The following CAMKMT variants were observed in gnomAD, a reference collection of about 807,000 sequenced individuals.
CAMKMT encodes CaM KMT.
A neutral mutation model predicts 48.0 loss-of-function variants in CAMKMT; 53 were observed. The observed-to-expected ratio is 1.10, with a 90% confidence interval of 0.89 to 1.39. The LOEUF (loss-of-function observed/expected upper bound fraction) is 1.39. Ranked by LOEUF, CAMKMT falls within the 40% of genes most tolerant of loss-of-function variation. The pLI is 0.00. For synonymous variants in CAMKMT, 165 were observed against 152.3 expected, an observed-to-expected ratio of 1.08 and a Z score of -0.61; for missense variants, 428 against 402.7, an observed-to-expected ratio of 1.06 and a Z score of -0.54.
chr2:44,433,418 T>C (rs1684765624), intron 3 of CAMKMT, among the ~76,000 whole-genome samples: 1 of 152,104 alleles, frequency 6.6e-6, no homozygotes, highest in African/African-American at 2.4e-5. Context: ...CAAATCCAAG[T>C]TGTCAATGAT....
At chr2:44,659,640 C>T (rs996746166) in intron 3 of CAMKMT, among the ~76,000 whole-genome samples, 1 of 151,736 alleles carries the variant, frequency 6.6e-6, no homozygotes, top group Non-Finnish European at 1.5e-5. Context: ...GTTCCATTCT[C>T]TTTATGGTAC....
At chr2:44,709,806 G>T (rs1677774729) in intron 6 of CAMKMT, among the ~76,000 whole-genome samples, 2 of 152,092 alleles carry the variant, frequency 1.3e-5, no homozygotes, top group South Asian at 4.2e-4. Context: ...TTTCTAAGAA[G>T]TAAAAGTGGA....
At chr2:44,458,738 A>T (rs997148010) in intron 3 of CAMKMT, among the ~76,000 whole-genome samples, 5 of 152,144 alleles carry the variant, frequency 3.3e-5, no homozygotes, top group Admixed American at 6.5e-5. Flanking sequence ...CTCTAGGGAG[A>T]TGAGAGAAAT....
intron 3 of CAMKMT, chr2:44,631,563 C>A: frequency 1.7e-6 from 1 of 574,958 alleles, no homozygotes; most frequent in Non-Finnish European, 3.1e-6. Context: ...CTCAGCCTCC[C>A]AAAGTGTGAT....
chr2:44,398,991 G>C (rs572970060), intron 3 of CAMKMT, among the ~76,000 whole-genome samples: 73 of 152,234 alleles, frequency 4.8e-4, no homozygotes, highest in Non-Finnish European at 8.2e-4. Flanking sequence ...TGGGAGGTGG[G>C]AACAGTTTGC....
In CAMKMT at chr2:44,582,977, A is replaced by G. The variant is rs150295786; in HGVS notation, c.377-121306A>G. ...TACATACTATCAGCATAGTATTTCAACAAAAATGATGATCTTTTTTGGAAA... is the reference window on the plus strand; with the variant it reads ...TACATACTATCAGCATAGTATTTCAGCAAAAATGATGATCTTTTTTGGAAA... On this transcript the variant is annotated intron_variant, in intron 3 of 10. Coordinates refer to ENST00000378494, the MANE Select transcript of CAMKMT (RefSeq NM_024766.5). Among the ~76,000 whole-genome samples the G allele has an allele frequency of 7.1e-4, 108 of 152,316 alleles. No homozygotes were observed. In the East Asian group the frequency reaches 0.02, roughly 28 times the overall value.
chr2:44,407,885 A>C (rs1033514651), intron 3 of CAMKMT, among the ~76,000 whole-genome samples: 1 of 152,116 alleles, frequency 6.6e-6, no homozygotes, highest in Non-Finnish European at 1.5e-5. Flanking sequence ...CACTTTACTA[A>C]AAGTTGGGGC....
Position 44,398,302 on chromosome 2 carries a change from G to C in CAMKMT, c.376+7997G>C, listed in dbSNP as rs77416118. Among the ~76,000 whole-genome samples, 1,432 of 152,246 alleles carry C rather than the reference G, an allele frequency of 9.4e-3. 27 individuals are homozygous for C. Among genetic ancestry groups the C allele is most frequent in the African/African-American group, 0.033 (1,372 of 41,540 alleles). ...AATGAATTTTAAAAGTTTGTGATGG[G>C]AATTGAAACAGAAAGTGGTAACTTG... On this transcript the variant is annotated intron_variant, in intron 3 of 10. Transcript: ENST00000378494.
At chr2:44,706,430 G>A (rs1161915505) in intron 5 of CAMKMT, 89 bp downstream of exon 5, 5 of 1,274,854 alleles carry the variant, frequency 3.9e-6, no homozygotes, top group East Asian at 4.7e-5. Flanking sequence ...TCAGAGAACC[G>A]TCAACAGCAT....
At chr2:44,542,836 G>C (rs1667204577) in intron 3 of CAMKMT, among the ~76,000 whole-genome samples, 1 of 152,074 alleles carries the variant, frequency 6.6e-6, no homozygotes, top group African/African-American at 2.4e-5. Context: ...GGCTTCATCT[G>C]GTGAGCTGTG....
chr2:44,583,788 C>A (rs1669700861), intron 3 of CAMKMT, among the ~76,000 whole-genome samples: 1 of 151,462 alleles, frequency 6.6e-6, no homozygotes, highest in Admixed American at 6.6e-5. Flanking sequence ...AGATCAAGAC[C>A]CTGTCTCTGA....
chr2:44,756,615 G>A (rs868305685), intron 9 of CAMKMT, among the ~76,000 whole-genome samples: 7 of 151,928 alleles, frequency 4.6e-5, no homozygotes, highest in East Asian at 3.9e-4. Flanking sequence ...GGTGGCGGGC[G>A]CCTGTAGTCC....
chr2:44,587,069 G>A (rs984583105), intron 3 of CAMKMT, among the ~76,000 whole-genome samples: 7 of 152,108 alleles, frequency 4.6e-5, no homozygotes, highest in African/African-American at 1.7e-4. Flanking sequence ...TGTCATCTAT[G>A]TATCTTCTTT....
chr2:44,417,657 A>G (rs1329510264), intron 3 of CAMKMT, among the ~76,000 whole-genome samples: 1 of 152,148 alleles, frequency 6.6e-6, no homozygotes, highest in Non-Finnish European at 1.5e-5. Context: ...TGGTTGTACT[A>G]TTTTACATTG....
chr2:44,559,821 G>C (rs996147451), intron 3 of CAMKMT, among the ~76,000 whole-genome samples: 1 of 152,164 alleles, frequency 6.6e-6, no homozygotes, highest in Non-Finnish European at 1.5e-5. Context: ...TGAACTGCTA[G>C]CAAACTAGGT....
intron 3 of CAMKMT, among the ~76,000 whole-genome samples, chr2:44,571,894 C>T (rs1320959222): frequency 1.3e-5 from 2 of 152,176 alleles, no homozygotes; most frequent in Non-Finnish European, 2.9e-5. Flanking sequence ...ATGATATTAA[C>T]ATATGAAATA....
At chr2:44,444,983 A>G (rs1666893277) in intron 3 of CAMKMT, among the ~76,000 whole-genome samples, 1 of 152,192 alleles carries the variant, frequency 6.6e-6, no homozygotes, top group African/African-American at 2.4e-5. Context: ...AGCCCTGGGA[A>G]AGAAAACTGG....
chr2:44,737,370 A>G (rs1043396440), intron 7 of CAMKMT, among the ~76,000 whole-genome samples: 3 of 152,042 alleles, frequency 2.0e-5, no homozygotes, highest in African/African-American at 7.2e-5. Flanking sequence ...TCCCACCTTG[A>G]CCGCCCAAAG....
chr2:44,380,233 T>G (rs980371280), intron 2 of CAMKMT, among the ~76,000 whole-genome samples: 8 of 152,116 alleles, frequency 5.3e-5, no homozygotes, highest in Admixed American at 5.2e-4. Flanking sequence ...CTTTAGGTGC[T>G]TGTGAAAAAA....
Sources: allele counts gnomAD v4.1 joint callset (sites outside exome capture counted in the v4.1 genomes callset), GRCh38; gene constraint gnomAD v4.1.1; transcripts MANE v1.5; gene names NCBI Gene and HGNC (gene_info 2026-07-23, HGNC 2026-07-21).